The following ANO3 variants were observed in gnomAD, a reference collection of about 807,000 sequenced individuals.
ANO3 encodes anoctamin-3.
Under a neutral mutation model 144.8 loss-of-function variants are expected in ANO3, and 99 were observed. The ratio of observed to expected loss-of-function variants is 0.68; its 90% confidence interval spans 0.58 to 0.81. The LOEUF (loss-of-function observed/expected upper bound fraction) is 0.81. Among genes scored for constraint, ANO3 ranks in the 30% least tolerant of loss-of-function variants. ANO3 has a pLI of 0.00. For synonymous variants in ANO3, 414 were observed against 392.6 expected (o/e 1.05, Z -0.64); for missense variants, 905 against 1,202.2 (o/e 0.75, Z 3.66).
At chr11:26,296,427 A>G (rs949780328) in intron 1 of ANO3, among the ~76,000 whole-genome samples, 8 of 152,184 alleles carry the variant, frequency 5.3e-5, no homozygotes, top group African/African-American at 1.9e-4. Context: ...TAACTTGTTG[A>G]CACTCAGATC....
intron 17 of ANO3, among the ~76,000 whole-genome samples, chr11:26,611,862 T>A (rs1479568448): frequency 1.3e-5 from 2 of 152,070 alleles, no homozygotes; most frequent in Non-Finnish European, 1.5e-5. Context: ...TTATATAATT[T>A]TTTTTTGTCT....
intron 14 of ANO3, among the ~76,000 whole-genome samples, chr11:26,575,546 T>C (rs1565118021): frequency 6.6e-6 from 1 of 152,108 alleles, no homozygotes; most frequent in East Asian, 1.9e-4. Flanking sequence ...CAATTAGGTA[T>C]AAAATACTAG....
At chr11:26,598,098 A>T (rs1179610227) in intron 14 of ANO3, among the ~76,000 whole-genome samples, 1 of 152,164 alleles carries the variant, frequency 6.6e-6, no homozygotes, top group South Asian at 2.1e-4. Flanking sequence ...AGTAATATTG[A>T]TTGCATCATT....
At chr11:26,658,441 G>A (rs1323611976) in intron 26 of ANO3, among the ~76,000 whole-genome samples, 4 of 116,392 alleles carry the variant, frequency 3.4e-5, no homozygotes, top group African/African-American at 8.7e-5. Context: ...GAGAAACCCC[G>A]TCTCTACTAA....
Position 26,656,210 on chromosome 11 carries a change from T to C in ANO3, c.2657+5T>C, listed in dbSNP as rs1378162860. On this transcript the variant is annotated splice_donor_5th_base_variant and intron_variant, in intron 25 of 26. Transcript: ENST00000256737. The stretch of plus-strand genomic sequence containing the variant: ...GGGAAAATCTGGTTATTGCAGGTAC[T>C]TATAATAGTTATCTTTCCTGCTTGC... 1.2e-6 allele frequency: 2 copies of C among 1,605,676 alleles called. No homozygotes were observed. Among genetic ancestry groups the C allele is most frequent in the East Asian group, 4.5e-5 (2 of 44,842 alleles).
chr11:26,296,600 G>T (rs935514185), intron 1 of ANO3, among the ~76,000 whole-genome samples: 70 of 152,092 alleles, frequency 4.6e-4, no homozygotes, highest in African/African-American at 1.6e-3. Context: ...GAAAAAAGGG[G>T]GTCAATCATT....
intron 5 of ANO3, among the ~76,000 whole-genome samples, chr11:26,509,376 C>T (rs985171592): frequency 5.9e-5 from 9 of 151,888 alleles, no homozygotes; most frequent in African/African-American, 1.9e-4. Context: ...AGAGCAGTGG[C>T]GCGATCTTGG....
chr11:26,632,127 G>A (rs1852802366), intron 18 of ANO3, among the ~76,000 whole-genome samples: 1 of 151,848 alleles, frequency 6.6e-6, no homozygotes, highest in African/African-American at 2.4e-5. Flanking sequence ...GGGAGGTGGA[G>A]GTTGCAGTGA....
intron 14 of ANO3, among the ~76,000 whole-genome samples, chr11:26,588,823 C>G (rs1404233843): frequency 1.3e-5 from 2 of 152,142 alleles, no homozygotes; most frequent in Non-Finnish European, 2.9e-5. Context: ...TGTAGCTCTT[C>G]TCCTATTTAC....
chr11:26,614,779 T>C (rs942958301), intron 17 of ANO3, among the ~76,000 whole-genome samples: 1 of 152,136 alleles, frequency 6.6e-6, no homozygotes, highest in Non-Finnish European at 1.5e-5. Flanking sequence ...GAGAGAGTGG[T>C]AGAAGTAGGG....
intron 1 of ANO3, among the ~76,000 whole-genome samples, chr11:26,242,966 T>A (rs1852693562): frequency 6.6e-6 from 1 of 152,176 alleles, no homozygotes; most frequent in Non-Finnish European, 1.5e-5. Context: ...TTATTGTATA[T>A]CATCATCACT....
At chr11:26,599,497 G>A in intron 16 of ANO3, 53 bp from the exon 17 acceptor site, 1 of 1,566,140 alleles carries the variant, frequency 6.4e-7, no homozygotes. Context: ...TTTTGCTTTT[G>A]ACTTGTTAAT....
At chr11:26,378,954 C>CA (rs1175257642) in intron 1 of ANO3, among the ~76,000 whole-genome samples, 3 of 91,344 alleles carry the variant, frequency 3.3e-5, no homozygotes, top group Non-Finnish European at 6.5e-5. Context: ...TTGAACAAAA[C>CA]AAAAAACAAC....
chr11:26,216,585 G>A (rs1034487930), intron 1 of ANO3, among the ~76,000 whole-genome samples: 1 of 151,868 alleles, frequency 6.6e-6, no homozygotes, highest in African/African-American at 2.4e-5. Flanking sequence ...TAACTTTTAT[G>A]TGCAAGCTTT....
intron 1 of ANO3, among the ~76,000 whole-genome samples, chr11:26,228,662 G>C (rs117345946): frequency 1.3e-5 from 2 of 152,170 alleles, no homozygotes; most frequent in Non-Finnish European, 2.9e-5. Flanking sequence ...GAAACATAAT[G>C]GTCTGTCACT....
At chr11:26,312,533 C>T (rs1438268816) in intron 1 of ANO3, among the ~76,000 whole-genome samples, 1 of 152,164 alleles carries the variant, frequency 6.6e-6, no homozygotes, top group Non-Finnish European at 1.5e-5. Flanking sequence ...TAATGATCAC[C>T]ATTCTAACTG....
intron 1 of ANO3, among the ~76,000 whole-genome samples, chr11:26,255,378 A>C (rs538078519): frequency 6.6e-6 from 1 of 152,300 alleles, no homozygotes; most frequent in Non-Finnish European, 1.5e-5. Flanking sequence ...AGACTACTCC[A>C]ACTCAGATAC....
chr11:26,343,014 C>T (rs911185888), intron 1 of ANO3, among the ~76,000 whole-genome samples: 1 of 152,140 alleles, frequency 6.6e-6, no homozygotes, highest in Non-Finnish European at 1.5e-5. Flanking sequence ...ACCCTCTTAG[C>T]AAATTTCAAG....
At chr11:26,530,473 C>A (rs1376179901) in intron 7 of ANO3, among the ~76,000 whole-genome samples, 3 of 70,636 alleles carry the variant, frequency 4.2e-5, no homozygotes, top group African/African-American at 1.2e-4. Flanking sequence ...ATCTATCTAT[C>A]TATCTATCTA....
Sources: gnomAD v4.1 joint callset for allele counts (sites outside exome capture counted in the v4.1 genomes callset) on GRCh38, gnomAD v4.1.1 for gene constraint, MANE v1.5 for transcripts, NCBI Gene and HGNC (gene_info 2026-07-23, HGNC 2026-07-21) for gene names.